ENOX1: variants seen among roughly 807,000 people sequenced by gnomAD.
ENOX1 encodes the protein ecto-NOX disulfide-thiol exchanger 1.
A neutral mutation model predicts 82.5 loss-of-function variants in ENOX1; 42 were observed. The ratio of observed to expected loss-of-function variants is 0.51; its 90% confidence interval spans 0.40 to 0.66. The LOEUF (loss-of-function observed/expected upper bound fraction) is 0.66, where lower values mean the gene tolerates loss of function less well. Among genes scored for constraint, ENOX1 ranks in the 30% least tolerant of loss-of-function variants. The pLI is 0.00. For synonymous variants in ENOX1, 271 were observed against 282.2 expected, an observed-to-expected ratio of 0.96 and a Z score of 0.40; for missense variants, 608 against 811.6, an observed-to-expected ratio of 0.75 and a Z score of 3.05.
At chr13:43,405,360 G>A (rs2053731899) in intron 5 of ENOX1, among the ~76,000 whole-genome samples, 1 of 152,058 alleles carries the variant, frequency 6.6e-6, no homozygotes, top group Non-Finnish European at 1.5e-5. Context: ...ACGGTCCCCA[G>A]GGCGTCAACA....
At chr13:43,366,395 CTCCTGAGTAGCT>C (rs1005311311) in intron 5 of ENOX1, among the ~76,000 whole-genome samples, 17 of 152,186 alleles carry the variant, frequency 1.1e-4, no homozygotes, top group Non-Finnish European at 2.4e-4. Flanking sequence ...CTGCCTCAGC[CTCCTGAGTAGCT>C]GGGACTACAG....
intron 2 of ENOX1, among the ~76,000 whole-genome samples, chr13:43,618,951 A>AGGTAT: frequency 6.7e-6 from 1 of 148,878 alleles, no homozygotes; most frequent in Non-Finnish European, 1.5e-5. Flanking sequence ...GAAGTCTTTC[A>AGGTAT]ACTCCTTGGT....
At chr13:43,370,008 C>A (rs548207696) in intron 5 of ENOX1, among the ~76,000 whole-genome samples, 1 of 152,356 alleles carries the variant, frequency 6.6e-6, no homozygotes, top group South Asian at 2.1e-4. Flanking sequence ...TCTCTACCTT[C>A]ACCCCTTGGT....
At chr13:43,692,808 T>C (rs1422364087) in intron 1 of ENOX1, among the ~76,000 whole-genome samples, 1 of 152,176 alleles carries the variant, frequency 6.6e-6, no homozygotes, top group Non-Finnish European at 1.5e-5. Flanking sequence ...CACTGTTAAA[T>C]ACTGCTGAGA....
chr13:43,349,012 T>G (rs1434869355), intron 8 of ENOX1, among the ~76,000 whole-genome samples: 1 of 152,230 alleles, frequency 6.6e-6, no homozygotes, highest in Non-Finnish European at 1.5e-5. Context: ...CTGGGGATCT[T>G]GGAATGTATC....
chr13:43,734,051 G>A (rs1416968430), intron 1 of ENOX1, among the ~76,000 whole-genome samples: 1 of 152,182 alleles, frequency 6.6e-6, no homozygotes, highest in Non-Finnish European at 1.5e-5. Context: ...AAGTGCTGCT[G>A]TGTAAGCCAA....
At chr13:43,598,196 G>T (rs1323149304) in intron 2 of ENOX1, among the ~76,000 whole-genome samples, 1 of 123,836 alleles carries the variant, frequency 8.1e-6, no homozygotes, top group South Asian at 2.6e-4. Context: ...TACAAAATAG[G>T]CCTTTAAAGA....
intron 12 of ENOX1, among the ~76,000 whole-genome samples, chr13:43,292,044 A>G (rs566046145): frequency 1.9e-3 from 292 of 152,290 alleles, no homozygotes; most frequent in African/African-American, 6.8e-3. Context: ...ACCTAAATAT[A>G]CACAGACTGC....
At chr13:43,509,966 G>A (rs1302191221) in intron 2 of ENOX1, among the ~76,000 whole-genome samples, 1 of 151,942 alleles carries the variant, frequency 6.6e-6, no homozygotes, top group African/African-American at 2.4e-5. Flanking sequence ...CCCATTTTTA[G>A]CAAAATTAGG....
intron 1 of ENOX1, among the ~76,000 whole-genome samples, chr13:43,705,362 T>TTA (rs34089365): frequency 6.8e-6 from 1 of 146,216 alleles, no homozygotes; most frequent in African/African-American, 2.5e-5. Context: ...TATATATATA[T>TTA]GTAACACTCC....
intron 2 of ENOX1, among the ~76,000 whole-genome samples, chr13:43,533,627 CTAAT>C (rs2078326508): frequency 6.6e-6 from 1 of 152,094 alleles, no homozygotes; most frequent in Non-Finnish European, 1.5e-5. Context: ...ATTACTTACA[CTAAT>C]TAATTTTTAA....
At chr13:43,569,373 A>G (rs1163141471) in intron 2 of ENOX1, among the ~76,000 whole-genome samples, 1 of 152,208 alleles carries the variant, frequency 6.6e-6, no homozygotes, top group Admixed American at 6.5e-5. Flanking sequence ...AAGTAGAGAT[A>G]GATAGATAGA....
At chr13:43,404,704 T>C (rs775593134) in intron 5 of ENOX1, among the ~76,000 whole-genome samples, 2 of 152,228 alleles carry the variant, frequency 1.3e-5, no homozygotes, top group Non-Finnish European at 2.9e-5. Flanking sequence ...GCTGTTCCTC[T>C]AGTGCCTTGT....
intron 2 of ENOX1, among the ~76,000 whole-genome samples, chr13:43,589,119 C>T (rs1385580425): frequency 7.1e-6 from 1 of 141,214 alleles, no homozygotes; most frequent in Non-Finnish European, 1.5e-5. Context: ...ATGAAACCTA[C>T]AAACTAAAAC....
chr13:43,247,905 A>T (rs2043219791), intron 14 of ENOX1, among the ~76,000 whole-genome samples: 4 of 13,238 alleles, frequency 3.0e-4, no homozygotes, highest in South Asian at 8.3e-3. Context: ...TTTTTTTTTG[A>T]GACGGAGTCT....
At chr13:43,586,018 T>G (rs1250153152) in intron 2 of ENOX1, among the ~76,000 whole-genome samples, 1 of 152,256 alleles carries the variant, frequency 6.6e-6, no homozygotes, top group Non-Finnish European at 1.5e-5. Flanking sequence ...ATATTTATCA[T>G]TTCTTTACGG....
chr13:43,520,025 A>G (rs982346272), intron 2 of ENOX1, among the ~76,000 whole-genome samples: 2 of 152,230 alleles, frequency 1.3e-5, no homozygotes, highest in Non-Finnish European at 2.9e-5. Flanking sequence ...TGGGCTATAC[A>G]TTTCCTAAAT....
chr13:43,741,986 T>A (rs1594647787), intron 1 of ENOX1, among the ~76,000 whole-genome samples: 1 of 152,218 alleles, frequency 6.6e-6, no homozygotes, highest in Non-Finnish European at 1.5e-5. Context: ...CACCATTTGT[T>A]GAAAAGATTA....
At chr13:43,463,844 G>A (rs1370897049) in intron 3 of ENOX1, among the ~76,000 whole-genome samples, 2 of 152,078 alleles carry the variant, frequency 1.3e-5, no homozygotes, top group Non-Finnish European at 2.9e-5. Context: ...CTACAAAAAA[G>A]AAAATAATCC....
Sources: allele counts gnomAD v4.1 joint callset (sites outside exome capture counted in the v4.1 genomes callset), GRCh38; gene constraint gnomAD v4.1.1; transcripts MANE v1.5; gene names NCBI Gene and HGNC (gene_info 2026-07-23, HGNC 2026-07-21).